The following RBFOX1 variants were observed in gnomAD, a reference collection of about 807,000 sequenced individuals.
RBFOX1 encodes the protein RNA binding fox-1 homolog 1.
A neutral mutation model predicts 57.7 loss-of-function variants in RBFOX1; 8 were observed. The ratio of observed to expected loss-of-function variants is 0.14; its 90% CI spans 0.08 to 0.25. RBFOX1 has a LOEUF of 0.25. Ranked by LOEUF, RBFOX1 falls within the 10% of genes least tolerant of loss-of-function variation. RBFOX1 has a pLI of 1.00. For synonymous variants in RBFOX1, 326 were observed against 222.4 expected (o/e 1.47, Z -4.15); for missense variants, 611 against 548.5 (o/e 1.11, Z -1.14).
At chr16:6,471,733 A>G (rs1287466353) in intron 2 of RBFOX1, among the ~76,000 whole-genome samples, 1 of 152,042 alleles carries the variant, frequency 6.6e-6, no homozygotes, top group African/African-American at 2.4e-5. Flanking sequence ...GCATTGGGGT[A>G]TTTTGCTTTT....
intron 4 of RBFOX1, among the ~76,000 whole-genome samples, chr16:7,136,979 G>A (rs1175537931): frequency 6.6e-6 from 1 of 152,166 alleles, no homozygotes; most frequent in Non-Finnish European, 1.5e-5. Flanking sequence ...CCCATGCCCT[G>A]CCTCCCTGCA....
intron 4 of RBFOX1, among the ~76,000 whole-genome samples, chr16:5,886,274 C>G (rs983584390): frequency 2.0e-5 from 3 of 152,124 alleles, no homozygotes; most frequent in African/African-American, 7.2e-5. Flanking sequence ...CCTCTGTATC[C>G]CTCTGTCCTT....
intron 2 of RBFOX1, among the ~76,000 whole-genome samples, chr16:5,548,383 G>A (rs111319610): frequency 0.064 from 9,611 of 151,120 alleles, 764 homozygotes; most frequent in African/African-American, 0.19. Flanking sequence ...TAAAATAAAA[G>A]TTGCAATTAA....
At chr16:5,943,995 C>G (rs2059337449) in intron 4 of RBFOX1, among the ~76,000 whole-genome samples, 1 of 150,978 alleles carries the variant, frequency 6.6e-6, no homozygotes. Flanking sequence ...TTCCATCCAC[C>G]CATCCATCCA....
intron 1 of RBFOX1, among the ~76,000 whole-genome samples, chr16:6,192,529 C>T (rs150485495): frequency 7.2e-4 from 109 of 152,202 alleles, no homozygotes; most frequent in African/African-American, 2.4e-3. Flanking sequence ...ACCGTTTTAC[C>T]TATCTCTTAA....
At chr16:6,052,446 C>G (rs1169406026) in intron 1 of RBFOX1, among the ~76,000 whole-genome samples, 1 of 152,146 alleles carries the variant, frequency 6.6e-6, no homozygotes, top group Non-Finnish European at 1.5e-5. Flanking sequence ...TAGTCAACCT[C>G]TATACGCCTT....
chr16:6,256,209 G>GTATATATA (rs796829694), intron 1 of RBFOX1, among the ~76,000 whole-genome samples: 28,209 of 44,830 alleles, frequency 0.63, 10,307 homozygotes, highest in East Asian at 0.79. Flanking sequence ...ATATGTATAT[G>GTATATATA]TGTATATATA....
At position 5,336,341 on chromosome 16, in the gene RBFOX1, C is replaced by T. The variant is rs571404780; in HGVS notation, c.219+96236C>T. On this transcript the variant is annotated intron_variant, in intron 1 of 2. Transcript: ENST00000585867. ...TTCTCAATTCAGACAGGCTGTTCCT[C>T]ATTATTTCTGTTACACTGGGCAAGC... Among the ~76,000 whole-genome samples, 16 of 152,264 alleles carry T rather than the reference C, an allele frequency of 1.1e-4. No homozygotes were observed. The South Asian group carries it at 3.1e-3, about 30-fold the overall frequency.
chr16:5,352,189 C>T (rs1355235629), intron 1 of RBFOX1, among the ~76,000 whole-genome samples: 3 of 152,124 alleles, frequency 2.0e-5, no homozygotes, highest in Non-Finnish European at 4.4e-5. Flanking sequence ...ATGCTGCTTC[C>T]CTCTCATGTG....
At chr16:7,304,958 G>GT (rs1491182869) in intron 4 of RBFOX1, among the ~76,000 whole-genome samples, 1 of 116,220 alleles carries the variant, frequency 8.6e-6, no homozygotes, top group Non-Finnish European at 1.8e-5. Context: ...GTGTGTGTGT[G>GT]TTTTCCTAAG....
intron 4 of RBFOX1, among the ~76,000 whole-genome samples, chr16:5,977,815 C>G (rs904973214): frequency 6.6e-6 from 1 of 152,090 alleles, no homozygotes; most frequent in Non-Finnish European, 1.5e-5. Flanking sequence ...AGGTGGCTCC[C>G]TTCTCTAGGT....
At chr16:5,800,730 C>T (rs1485509870) in intron 3 of RBFOX1, among the ~76,000 whole-genome samples, 1 of 152,128 alleles carries the variant, frequency 6.6e-6, no homozygotes, top group Non-Finnish European at 1.5e-5. Flanking sequence ...AATTTCTGTC[C>T]TCAGTTGCTT....
At chr16:6,695,811 C>G (rs1274326171) in intron 3 of RBFOX1, among the ~76,000 whole-genome samples, 1 of 152,140 alleles carries the variant, frequency 6.6e-6, no homozygotes, top group Non-Finnish European at 1.5e-5. Flanking sequence ...TTGTCATGTC[C>G]TGTTTTGTTT....
At chr16:7,227,465 C>G (rs1244390022) in intron 4 of RBFOX1, among the ~76,000 whole-genome samples, 1 of 152,032 alleles carries the variant, frequency 6.6e-6, no homozygotes, top group Non-Finnish European at 1.5e-5. Context: ...TAAAAGTATG[C>G]GATTTTATTC....
At chr16:7,201,376 A>C (rs903598102) in intron 4 of RBFOX1, among the ~76,000 whole-genome samples, 1 of 152,176 alleles carries the variant, frequency 6.6e-6, no homozygotes, top group Non-Finnish European at 1.5e-5. Flanking sequence ...GGCTATGTTA[A>C]GAAGTGGGGA....
At chr16:6,847,525 C>T (rs932946010) in intron 3 of RBFOX1, among the ~76,000 whole-genome samples, 7 of 152,036 alleles carry the variant, frequency 4.6e-5, no homozygotes, top group South Asian at 2.1e-4. Flanking sequence ...AAGCATGATA[C>T]GCAACTGATG....
chr16:5,613,339 T>C (rs1017843763), intron 3 of RBFOX1, among the ~76,000 whole-genome samples: 24 of 152,156 alleles, frequency 1.6e-4, no homozygotes, highest in African/African-American at 5.8e-4. Context: ...GCCTACCAGG[T>C]TCTTGACAGA....
chr16:6,702,459 C>T (rs1192965560), intron 3 of RBFOX1, among the ~76,000 whole-genome samples: 1 of 151,900 alleles, frequency 6.6e-6, no homozygotes, highest in African/African-American at 2.4e-5. Flanking sequence ...GAGGCTGAGG[C>T]AGGAGAATTG....
At position 7,709,123 on chromosome 16, in the gene RBFOX1, G is replaced by A. The variant is rs1388864401; in HGVS notation, c.1063G>A (p.Gly355Ser). 1 of 1,612,562 alleles carries A rather than the reference G, an allele frequency of 6.2e-7. No individual in the cohort carries two copies. The highest frequency in any genetic ancestry group is 1.7e-5 in the Admixed American group (1 of 59,910). The change falls in exon 15 of 16, where the codon GGT becomes AGT. Residue 355 changes from glycine (G) to serine (S), a missense_variant. Coordinates refer to ENST00000550418, the MANE Select transcript of RBFOX1 (RefSeq NM_018723.4). Reference protein sequence around the residue: ...ALAPAPTYGVGAMNAFAPLTD... With the variant: ...ALAPAPTYGVSAMNAFAPLTD... ...TGCTCCAGCCCCCACCTACGGCGTTGGTGCCATGGTGAGTACAAGTTTCTC... is the reference window on the plus strand; with the variant it reads ...TGCTCCAGCCCCCACCTACGGCGTTAGTGCCATGGTGAGTACAAGTTTCTC...
Sources: allele counts gnomAD v4.1 joint callset (sites outside exome capture counted in the v4.1 genomes callset), GRCh38; gene constraint gnomAD v4.1.1; transcripts MANE v1.5; gene names NCBI Gene and HGNC (gene_info 2026-07-23, HGNC 2026-07-21).